The following TRABD2B variants were observed in gnomAD, a reference collection of about 807,000 sequenced individuals.
TRABD2B encodes the protein metalloprotease TIKI2.
In TRABD2B, 14 loss-of-function variants were observed where a neutral mutation model predicts 40.1. The observed-to-expected ratio is 0.35, with a 90% CI of 0.23 to 0.55. The LOEUF is 0.55. Among genes scored for constraint, TRABD2B ranks in the 20% least tolerant of loss-of-function variants. The pLI is 0.90. For missense variants in TRABD2B, 541 were observed against 648.6 expected (o/e 0.83, Z 1.80); for synonymous variants, 263 against 277.0 (o/e 0.95, Z 0.50).
intron 2 of TRABD2B, among the ~76,000 whole-genome samples, chr1:47,821,328 A>G (rs1314499976): frequency 1.3e-5 from 2 of 152,200 alleles, no homozygotes; most frequent in Admixed American, 1.3e-4. Context: ...ATGGTTAGGG[A>G]CAATCAATTC....
chr1:47,779,928 T>C (rs1387105274), intron 4 of TRABD2B, among the ~76,000 whole-genome samples: 3 of 152,190 alleles, frequency 2.0e-5, no homozygotes, highest in Non-Finnish European at 2.9e-5. Context: ...AGAGATGCTC[T>C]GGCAGAGGAA....
At chr1:47,962,170 A>G (rs1287225828) in intron 2 of TRABD2B, among the ~76,000 whole-genome samples, 1 of 150,198 alleles carries the variant, frequency 6.7e-6, no homozygotes, top group Non-Finnish European at 1.5e-5. Context: ...CAATGAGAAC[A>G]CTTGGACACG....
intron 2 of TRABD2B, among the ~76,000 whole-genome samples, chr1:47,875,724 G>T: frequency 7.6e-6 from 1 of 132,170 alleles, no homozygotes; most frequent in East Asian, 2.2e-4. Context: ...AAGAAAGAAA[G>T]AAAGAGCAGA....
chr1:47,827,254 G>A (rs996208502), intron 2 of TRABD2B, among the ~76,000 whole-genome samples: 2 of 152,220 alleles, frequency 1.3e-5, no homozygotes, highest in Admixed American at 6.5e-5. Flanking sequence ...TCAGCTCAGG[G>A]CTCCGGAAAC....
intron 2 of TRABD2B, among the ~76,000 whole-genome samples, chr1:47,806,347 G>A (rs1644891988): frequency 6.6e-6 from 1 of 152,144 alleles, no homozygotes; most frequent in Non-Finnish European, 1.5e-5. Flanking sequence ...ATAATGAAGC[G>A]CCTGGCCCTG....
At position 47,794,729 on chromosome 1, in the gene TRABD2B, G is replaced by A; in HGVS notation, c.845C>T (p.Pro282Leu). The A allele has an allele frequency of 3.3e-6, 5 of 1,535,448 alleles. No homozygotes were observed. Among genetic ancestry groups the A allele is most frequent in the Non-Finnish European group, 4.4e-6 (5 of 1,146,448 alleles). The part of the protein sequence containing the change: ...LPNFINTTLP[P>L]HEQVTAQEID... Reference sequence around the variant, plus strand: ...CTCCTGGGCCGTCACCTGCTCGTGTGGCGGGAGGGTGGTGTTGATAAAGTT... The same window carrying A: ...CTCCTGGGCCGTCACCTGCTCGTGTAGCGGGAGGGTGGTGTTGATAAAGTT... The change falls in exon 4 of 7, where the codon CCA (proline) becomes CTA (leucine). Residue 282 changes from proline to leucine, a missense_variant. Transcript: ENST00000606738.
chr1:47,961,637 G>A (rs1645517545), intron 2 of TRABD2B, among the ~76,000 whole-genome samples: 1 of 152,176 alleles, frequency 6.6e-6, no homozygotes, highest in Non-Finnish European at 1.5e-5. Context: ...GGCCATCAGA[G>A]AAATGCAAAT....
chr1:47,767,384 G>C (rs1644319078), intron 6 of TRABD2B, among the ~76,000 whole-genome samples: 1 of 152,202 alleles, frequency 6.6e-6, no homozygotes, highest in African/African-American at 2.4e-5. Flanking sequence ...CAGCCTGAAA[G>C]GCATAGTGAA....
chr1:47,849,578 C>T (rs962359649), intron 2 of TRABD2B, among the ~76,000 whole-genome samples: 2 of 152,222 alleles, frequency 1.3e-5, no homozygotes, highest in African/African-American at 4.8e-5. Flanking sequence ...TGAGTGGGCA[C>T]CTCTCAAAGC....
chr1:47,960,395 G>C (rs1278335336), intron 2 of TRABD2B, among the ~76,000 whole-genome samples: 3 of 152,088 alleles, frequency 2.0e-5, no homozygotes, highest in African/African-American at 7.2e-5. Context: ...AAATGAAGGG[G>C]ATTCAATTAG....
chr1:47,994,518 T>C lies in TRABD2B; in HGVS notation c.182A>G (p.Tyr61Cys), dbSNP rs1456304602. The C allele has an allele frequency of 6.5e-7, 1 of 1,536,124 alleles. No individual in the cohort carries two copies. The highest frequency in any genetic ancestry group is 8.7e-7 in the Non-Finnish European group (1 of 1,146,920). Residue 61 changes from tyrosine (Y) to cysteine (C), a missense_variant, in exon 2 of 7, where the codon TAC becomes TGC. Coordinates refer to ENST00000606738, the MANE Select transcript of TRABD2B (RefSeq NM_001194986.2). This position sits in a 1 kb window ranked among gnomAD's most constrained non-coding sequence, Gnocchi z 6.7. ...AYLFGTIHVP[Y>C]TRVWDFIPDN... ...CGGGATGAAGTCCCAGACGCGGGTG[T>C]AGGGGACGTGAATAGTGCCAAACAG...
chr1:47,881,210 T>A (rs1446509337), intron 2 of TRABD2B, among the ~76,000 whole-genome samples: 1 of 152,104 alleles, frequency 6.6e-6, no homozygotes, highest in African/African-American at 2.4e-5. Context: ...GGAGTGTGTG[T>A]GTAAGCACAG....
intron 4 of TRABD2B, among the ~76,000 whole-genome samples, chr1:47,784,866 G>A (rs574541689): frequency 6.6e-6 from 1 of 152,330 alleles, no homozygotes; most frequent in Admixed American, 6.5e-5. Context: ...CCTTGTGCCA[G>A]GAGCTGACAC....
chr1:47,844,898 C>T (rs949265642), intron 2 of TRABD2B, among the ~76,000 whole-genome samples: 9 of 152,104 alleles, frequency 5.9e-5, no homozygotes, highest in African/African-American at 9.7e-5. Flanking sequence ...GACTGATGGG[C>T]CCCTGTAATG....
intron 2 of TRABD2B, among the ~76,000 whole-genome samples, chr1:47,873,548 G>A (rs1570175782): frequency 6.6e-6 from 1 of 152,338 alleles, no homozygotes; most frequent in East Asian, 1.9e-4. Flanking sequence ...CAAGCTCACA[G>A]GACCAGGACA....
At chr1:47,906,563 G>A (rs540168893) in intron 2 of TRABD2B, among the ~76,000 whole-genome samples, 1 of 152,322 alleles carries the variant, frequency 6.6e-6, no homozygotes, top group East Asian at 1.9e-4. Context: ...GAGCGTAGCA[G>A]GGCTCTGTCC....
chr1:47,776,629 G>C (rs1258698790), intron 5 of TRABD2B, among the ~76,000 whole-genome samples: 1 of 152,190 alleles, frequency 6.6e-6, no homozygotes, highest in Non-Finnish European at 1.5e-5. Flanking sequence ...GGCCACAATA[G>C]AATTTGTTTT....
intron 2 of TRABD2B, among the ~76,000 whole-genome samples, chr1:47,913,477 C>T (rs1257391236): frequency 6.6e-6 from 1 of 152,190 alleles, no homozygotes; most frequent in African/African-American, 2.4e-5. Flanking sequence ...TCACTGTTTA[C>T]CCAGTGCCTA....
intron 2 of TRABD2B, among the ~76,000 whole-genome samples, chr1:47,802,623 C>T (rs144907401): frequency 6.6e-6 from 1 of 152,256 alleles, no homozygotes; most frequent in East Asian, 1.9e-4. Flanking sequence ...GCTGTTAGCC[C>T]AGCCTAGCCC....
Sources: gnomAD v4.1 joint callset for allele counts (sites outside exome capture counted in the v4.1 genomes callset) on GRCh38, gnomAD v4.1.1 for gene constraint, Gnocchi (gnomAD v3.1) non-coding constraint, MANE v1.5 for transcripts, NCBI Gene and HGNC (gene_info 2026-07-23, HGNC 2026-07-21) for gene names.